The following HERC2 variants were observed in gnomAD, a reference collection of about 807,000 sequenced individuals.
HERC2 encodes HECT and RLD domain containing E3 ubiquitin protein ligase 2.
Under a neutral mutation model 537.7 loss-of-function variants are expected in HERC2, and 102 were observed. The ratio of observed to expected loss-of-function variants is 0.19; its 90% CI spans 0.16 to 0.22. The LOEUF is 0.22. Among genes scored for constraint, HERC2 ranks in the 10% least tolerant of loss-of-function variants. HERC2 has a pLI of 1.00. For missense variants in HERC2, 4,236 were observed against 6,198.2 expected, an observed-to-expected ratio of 0.68 and a Z score of 10.63; for synonymous variants, 2,224 against 2,466.2, an observed-to-expected ratio of 0.90 and a Z score of 2.91.
chr15:28,275,550 T>C (rs181171908), intron 5 of HERC2, among the ~76,000 whole-genome samples: 2 of 152,386 alleles, frequency 1.3e-5, no homozygotes, highest in Admixed American at 1.3e-4. Flanking sequence ...TTTTCACTAC[T>C]TGTGTATGTT....
rs181054971 is a variant in HERC2, at chr15:28,183,630, G to A, written c.8826-1118C>T. On this transcript the variant is annotated intron_variant, in intron 56 of 92. Transcript: ENST00000261609. ...GTCTGATGCCAGGTGCTAAGGAATT[G>A]CTGCTTCTGTGTTTGGGGTTTTCAC... Among the ~76,000 whole-genome samples, 769 of 152,312 alleles carry A rather than the reference G, an allele frequency of 5.0e-3. 17 individuals are homozygous for A. The highest frequency in any genetic ancestry group is 8.8e-3 in the Admixed American group (135 of 15,300).
At chr15:28,206,562 G>C (rs375283163) in intron 44 of HERC2, among the ~76,000 whole-genome samples, 180 bp from the exon 45 acceptor site, 2 of 151,392 alleles carry the variant, frequency 1.3e-5, no homozygotes, top group Admixed American at 6.6e-5. Context: ...GGTTGGGTGC[G>C]GTGGCTCACG....
In HERC2 at chr15:28,268,350, C is replaced by T. The variant is rs1050108834; in HGVS notation, c.1598+115G>A. On this transcript the variant is annotated intron_variant, in intron 12 of 92. Transcript: ENST00000261609. This position sits in a 1 kb window ranked among gnomAD's most constrained non-coding sequence, Gnocchi z 4.7. Reference sequence around the variant, plus strand: ...ATCGTAGTGTCCTGCTCCATCCCAGCGCTACATGTCAGGGCAATTGGAAAA... The same window carrying T: ...ATCGTAGTGTCCTGCTCCATCCCAGTGCTACATGTCAGGGCAATTGGAAAA... The T allele has an allele frequency of 3.9e-5, 36 of 923,396 alleles. No individual in the cohort carries two copies. The highest frequency in any genetic ancestry group is 7.4e-5 in the East Asian group (3 of 40,354). The allele number at this position is 923,396 out of a possible 1,614,324, so 57.2% of individuals were successfully genotyped here.
intron 66 of HERC2, 65 bp from the exon 67 acceptor site, chr15:28,168,655 A>G (rs1488846986): frequency 6.7e-7 from 1 of 1,496,586 alleles, no homozygotes; most frequent in Non-Finnish European, 9.1e-7. Flanking sequence ...CAGGAAGTGG[A>G]GAGGCAGGGC....
Position 28,175,702 on chromosome 15 carries a change from G to C in HERC2, c.9687-46C>G. 9 of 1,596,980 alleles carry C rather than the reference G, an allele frequency of 5.6e-6. No homozygotes were observed. In the African/African-American group the frequency reaches 9.4e-5, roughly 17 times the overall value. ...GAGAGTTACAATACGGTTATGGTCTGACAATGCTATACAAGAAGACACTCA... is the reference window on the plus strand; with the variant it reads ...GAGAGTTACAATACGGTTATGGTCTCACAATGCTATACAAGAAGACACTCA... On this transcript the variant is annotated intron_variant, in intron 63 of 92. Coordinates refer to ENST00000261609, the MANE Select transcript of HERC2 (RefSeq NM_004667.6).
At chr15:28,262,251 C>G (rs1352048189) in intron 15 of HERC2, among the ~76,000 whole-genome samples, 1 of 152,146 alleles carries the variant, frequency 6.6e-6, no homozygotes, top group Non-Finnish European at 1.5e-5. Flanking sequence ...CCTCCAACAT[C>G]ATAGTTTTGA....
At chr15:28,172,528 G>A (rs1187457192) in intron 65 of HERC2, among the ~76,000 whole-genome samples, 11 of 152,182 alleles carry the variant, frequency 7.2e-5, no homozygotes, top group African/African-American at 1.7e-4. Context: ...TAGGAAAAGC[G>A]TAGTTTTTCA....
chr15:28,308,805 T>A (rs1176158282), intron 2 of HERC2, among the ~76,000 whole-genome samples: 2 of 152,244 alleles, frequency 1.3e-5, no homozygotes, highest in African/African-American at 4.8e-5. Context: ...ATTGAAATAA[T>A]CACATGGTTT....
chr15:28,287,924 C>G lies in HERC2; in HGVS notation c.322+4964G>C, dbSNP rs547135382. Among the ~76,000 whole-genome samples the G allele has an allele frequency of 2.0e-5, 3 of 152,146 alleles. No homozygotes were observed. In the South Asian group the frequency reaches 6.2e-4, roughly 32 times the overall value. ...TATCTTTAGTAGAGACGCTGTTTCA[C>G]CGTGTTAGCCAGCATGGTCTCGATC... On this transcript the variant is annotated intron_variant, in intron 4 of 92. Transcript: ENST00000261609.
At chr15:28,295,170 T>C (rs1159540142) in intron 3 of HERC2, among the ~76,000 whole-genome samples, 1 of 151,920 alleles carries the variant, frequency 6.6e-6, no homozygotes, top group Non-Finnish European at 1.5e-5. Context: ...CCAGTGGGAA[T>C]GCAAACTAAA....
chr15:28,121,619 G>A (rs1056693286), intron 85 of HERC2, among the ~76,000 whole-genome samples, 190 bp from the exon 86 acceptor site: 1 of 152,172 alleles, frequency 6.6e-6, no homozygotes, highest in Admixed American at 6.5e-5. Context: ...AGGGACAGAC[G>A]GCCAGGCAGG....
chr15:28,261,485 G>T (rs2075413896), intron 15 of HERC2, among the ~76,000 whole-genome samples: 1 of 152,134 alleles, frequency 6.6e-6, no homozygotes, highest in Non-Finnish European at 1.5e-5. Context: ...GTGTTTCGCA[G>T]AAATGTCAGT....
chr15:28,240,392 T>C (rs1214364523), intron 23 of HERC2, among the ~76,000 whole-genome samples: 1 of 152,114 alleles, frequency 6.6e-6, no homozygotes, highest in African/African-American at 2.4e-5. Context: ...CACTCCCGCC[T>C]GGGCGAAAGA....
In HERC2 at chr15:28,125,306, T is replaced by C. The variant is rs368827903; in HGVS notation, c.12803-113A>G. On this transcript the variant is annotated intron_variant, in intron 83 of 92. Coordinates refer to ENST00000261609, the MANE Select transcript of HERC2 (RefSeq NM_004667.6). ...AACGCTCCCTGCCCTTCAGCTGGTG[T>C]TGACCTAGTTGTCAACTTTACATAT... 5.4e-4 allele frequency: 447 copies of C among 834,358 alleles called. 8 individuals are homozygous for C. In the South Asian group the frequency reaches 6.6e-3, roughly 12 times the overall value. 51.7% of individuals were successfully genotyped at this position (834,358 alleles called of 1,614,324 possible).
chr15:28,275,739 C>G (rs529345766), intron 5 of HERC2, among the ~76,000 whole-genome samples: 1 of 151,540 alleles, frequency 6.6e-6, no homozygotes, highest in African/African-American at 2.4e-5. Flanking sequence ...GCCAAGATCG[C>G]GCCACTGCAC....
chr15:28,249,287 CA>C (rs2140835782), intron 20 of HERC2, among the ~76,000 whole-genome samples: 1 of 152,280 alleles, frequency 6.6e-6, no homozygotes, highest in African/African-American at 2.4e-5. Context: ...GTGGGCCATG[CA>C]GCAGGTGCCG....
intron 5 of HERC2, among the ~76,000 whole-genome samples, chr15:28,278,367 C>T (rs1298633702): frequency 6.6e-6 from 1 of 152,030 alleles, no homozygotes; most frequent in Non-Finnish European, 1.5e-5. Context: ...CAGTGAGACC[C>T]CCATGTCAAA....
intron 20 of HERC2, among the ~76,000 whole-genome samples, chr15:28,251,410 T>C (rs2075075150): frequency 6.8e-6 from 1 of 147,776 alleles, no homozygotes; most frequent in South Asian, 2.1e-4. Context: ...GCCACTGCAC[T>C]CCAGTCTGGG....
In HERC2 at chr15:28,245,934, G is replaced by A; in HGVS notation, c.3524C>T (p.Ala1175Val). Residue 1175 changes from alanine to valine, a missense_variant, in exon 23 of 93, where the codon GCA becomes GTA. Ala to Val is a moderately conservative substitution (Grantham distance 64, BLOSUM62 0). Coordinates refer to ENST00000261609, the MANE Select transcript of HERC2 (RefSeq NM_004667.6). The stretch of plus-strand genomic sequence containing the variant: ...ATGATCATCCCGTTCCTTTCCTGGT[G>A]CCAGATGGTTGAACCGATCCAGATG... ...LEHLDRFNHL[A>V]PGKERDDHEE... is the part of the protein sequence containing the mutation. The A allele has an allele frequency of 6.2e-7, 1 of 1,614,104 alleles. No homozygotes were observed. Among genetic ancestry groups the A allele is most frequent in the Non-Finnish European group, 8.5e-7 (1 of 1,180,012 alleles).
Sources: gnomAD v4.1 joint callset for allele counts (sites outside exome capture counted in the v4.1 genomes callset) on GRCh38, gnomAD v4.1.1 for gene constraint, Gnocchi (gnomAD v3.1) non-coding constraint, MANE v1.5 for transcripts, NCBI Gene and HGNC (gene_info 2026-07-23, HGNC 2026-07-21) for gene names.